ST3GAL1: variants seen among roughly 807,000 people sequenced by gnomAD.
The protein encoded by ST3GAL1 is CMP-N-acetylneuraminate-beta-galactosamide-alpha-2,3-sialyltransferase 1.
In ST3GAL1, 16 loss-of-function variants were observed where a neutral mutation model predicts 34.1. That is an observed-to-expected ratio of 0.47 (90% CI 0.32 to 0.71). The LOEUF (loss-of-function observed/expected upper bound fraction) is 0.71. ST3GAL1 is among the 30% of genes least tolerant of loss of function. The pLI is 0.04. For missense variants in ST3GAL1, 353 were observed against 447.4 expected, an observed-to-expected ratio of 0.79 and a Z score of 1.90; for synonymous variants, 191 against 184.7, an observed-to-expected ratio of 1.03 and a Z score of -0.28.
At chr8:133,483,954 G>A (rs963689553) in intron 3 of ST3GAL1, among the ~76,000 whole-genome samples, 5 of 152,162 alleles carry the variant, frequency 3.3e-5, no homozygotes, top group African/African-American at 1.2e-4. Context: ...ACTTGGAAAC[G>A]CAGATGCATT....
chr8:133,565,106 A>AC (rs1819351011), intron 1 of ST3GAL1, among the ~76,000 whole-genome samples: 1 of 144,380 alleles, frequency 6.9e-6, no homozygotes, highest in African/African-American at 2.6e-5. Context: ...ACTCCTCCCC[A>AC]CCCCCAGCTG....
At chr8:133,564,946 T>G (rs889645068) in intron 1 of ST3GAL1, among the ~76,000 whole-genome samples, 3 of 152,240 alleles carry the variant, frequency 2.0e-5, no homozygotes, top group Non-Finnish European at 4.4e-5. Context: ...AAGGTCTTCA[T>G]AATGTCTTAC....
intron 2 of ST3GAL1, among the ~76,000 whole-genome samples, chr8:133,536,995 G>A (rs1335624980): frequency 1.3e-5 from 2 of 152,094 alleles, no homozygotes; most frequent in African/African-American, 4.8e-5. Context: ...TCTACCTGGA[G>A]ACAGGGTCAG....
intron 2 of ST3GAL1, among the ~76,000 whole-genome samples, chr8:133,524,477 G>A (rs1045563860): frequency 5.9e-5 from 9 of 152,228 alleles, no homozygotes; most frequent in African/African-American, 1.4e-4. Flanking sequence ...GGCCAGCAGC[G>A]CCTTCTACCT....
rs756140569 is a variant in ST3GAL1 at position 133,463,450 on chromosome 8, G to A, written c.693C>T (p.Ile231=). 8.7e-6 allele frequency: 14 copies of A among 1,613,962 alleles called. No individual in the cohort carries two copies. Among genetic ancestry groups the A allele is most frequent in the Non-Finnish European group, 1.1e-5 (13 of 1,179,978 alleles). The change falls in exon 8 of 10, where the codon ATC becomes ATT. Residue 231 remains isoleucine, a synonymous_variant. Coordinates refer to ENST00000522652, the MANE Select transcript of ST3GAL1 (RefSeq NM_173344.3). The part of the protein sequence containing the change: ...ITTGTISHTY[I]PVPAKIRVKQ... ...TCACTCTGATCTTTGCAGGAACCGG[G>A]ATGTAGGTGCTGCAGTTGGAGAAAG...
chr8:133,552,970 A>G (rs1354204277), intron 1 of ST3GAL1, among the ~76,000 whole-genome samples: 2 of 152,226 alleles, frequency 1.3e-5, no homozygotes, highest in Admixed American at 6.5e-5. Flanking sequence ...CTGAAAGAGT[A>G]TAATTTGCCC....
intron 2 of ST3GAL1, among the ~76,000 whole-genome samples, chr8:133,532,572 C>A (rs1000054729): frequency 1.8e-4 from 28 of 152,010 alleles, no homozygotes; most frequent in African/African-American, 6.8e-4. Flanking sequence ...GAATATGATA[C>A]ATATTAACAG....
At chr8:133,484,708 C>T (rs1420196662) in intron 3 of ST3GAL1, among the ~76,000 whole-genome samples, 1 of 152,108 alleles carries the variant, frequency 6.6e-6, no homozygotes. Flanking sequence ...AATAAGAAAC[C>T]TGGGCCAAGT....
chr8:133,464,406 C>T (rs1162571076), intron 7 of ST3GAL1, among the ~76,000 whole-genome samples: 16 of 152,172 alleles, frequency 1.1e-4, no homozygotes, highest in South Asian at 4.1e-4. Context: ...CACCCTGCCA[C>T]GCTCACATAA....
chr8:133,513,199 T>C (rs1454161114), intron 2 of ST3GAL1, among the ~76,000 whole-genome samples: 1 of 152,218 alleles, frequency 6.6e-6, no homozygotes, highest in African/African-American at 2.4e-5. Flanking sequence ...CCAGCCCTGC[T>C]GAAGAGCTCC....
chr8:133,465,237 T>A (rs1292082453), intron 6 of ST3GAL1, among the ~76,000 whole-genome samples: 2 of 152,086 alleles, frequency 1.3e-5, no homozygotes, highest in African/African-American at 2.4e-5. Context: ...ACAGCCCTTT[T>A]TTTGCAGTCA....
rs1586668000 is a variant in ST3GAL1 at position 133,556,863 on chromosome 8, T to C, written c.-581-10937A>G. 1.3e-5 allele frequency among the ~76,000 whole-genome samples: 2 copies of C among 152,090 alleles called. No homozygotes were observed. Among genetic ancestry groups the C allele is most frequent in the South Asian group, 2.1e-4 (1 of 4,818 alleles). On this transcript the variant is annotated intron_variant, in intron 1 of 9. Transcript: ENST00000522652. The surrounding 1 kb of genome is among the most constrained non-coding windows in gnomAD (Gnocchi z 8.9). ...TGGCCTCTTAGATGATAAAACTAAG[T>C]GGAGGGAAGTGGGAGGGAGGTTGGC...
At chr8:133,465,860 G>C in intron 6 of ST3GAL1, 34 bp downstream of exon 6, 1 of 1,599,040 alleles carries the variant, frequency 6.3e-7, no homozygotes, top group East Asian at 2.2e-5. Context: ...CCTGGGTGCA[G>C]CACGGTAGGC....
chr8:133,491,156 A>G (rs1816771979), intron 3 of ST3GAL1, among the ~76,000 whole-genome samples: 1 of 152,164 alleles, frequency 6.6e-6, no homozygotes, highest in Non-Finnish European at 1.5e-5. Context: ...ATTAACCAGG[A>G]TTAGGGTCAC....
At chr8:133,514,611 A>T (rs1350195977) in intron 2 of ST3GAL1, among the ~76,000 whole-genome samples, 1 of 152,078 alleles carries the variant, frequency 6.6e-6, no homozygotes, top group Non-Finnish European at 1.5e-5. Flanking sequence ...CCCTCCCACG[A>T]CAGAAGCAAG....
At chr8:133,553,759 G>A (rs1426901427) in intron 1 of ST3GAL1, among the ~76,000 whole-genome samples, 1 of 152,210 alleles carries the variant, frequency 6.6e-6, no homozygotes, top group African/African-American at 2.4e-5. Context: ...GGATCATGCA[G>A]TGAAAAGGTC....
intron 1 of ST3GAL1, among the ~76,000 whole-genome samples, chr8:133,569,406 A>T (rs1819501139): frequency 6.6e-6 from 1 of 152,252 alleles, no homozygotes; most frequent in Non-Finnish European, 1.5e-5. Context: ...ACATACACAC[A>T]TTCACTTAAT....
chr8:133,541,059 A>C (rs1818498655), intron 2 of ST3GAL1, among the ~76,000 whole-genome samples: 1 of 17,182 alleles, frequency 5.8e-5, no homozygotes, highest in Non-Finnish European at 1.0e-4. Context: ...ATATAGACAT[A>C]TATATATAGA....
intron 2 of ST3GAL1, among the ~76,000 whole-genome samples, chr8:133,519,307 G>A (rs1467829764): frequency 6.6e-6 from 1 of 152,156 alleles, no homozygotes; most frequent in African/African-American, 2.4e-5. Flanking sequence ...GAGTGAAAGT[G>A]TGGACTCATT....
Sources: gnomAD v4.1 joint callset for allele counts (sites outside exome capture counted in the v4.1 genomes callset) on GRCh38, gnomAD v4.1.1 for gene constraint, Gnocchi (gnomAD v3.1) non-coding constraint, MANE v1.5 for transcripts, NCBI Gene and HGNC (gene_info 2026-07-23, HGNC 2026-07-21) for gene names.